The following TSPEAR variants were observed in gnomAD, a reference collection of about 807,000 sequenced individuals.
The protein encoded by TSPEAR is thrombospondin type laminin G domain and EAR repeats.
Under a neutral mutation model 71.6 loss-of-function variants are expected in TSPEAR, and 69 were observed. The observed-to-expected ratio is 0.96, with a 90% CI of 0.79 to 1.18. The LOEUF (loss-of-function observed/expected upper bound fraction) is 1.18. Among genes scored for constraint, TSPEAR ranks in the 50% most tolerant of loss-of-function variants. The pLI is 0.00. For synonymous variants in TSPEAR, 402 were observed against 387.2 expected (o/e 1.04, Z -0.45); for missense variants, 971 against 894.9 (o/e 1.09, Z -1.09).
At chr21:44,590,485 A>G (rs1979712676) in intron 1 of TSPEAR, among the ~76,000 whole-genome samples, 1 of 152,144 alleles carries the variant, frequency 6.6e-6, no homozygotes, top group Non-Finnish European at 1.5e-5. Flanking sequence ...AGTGGGTGCC[A>G]TGGTCCCTGC....
intron 10 of TSPEAR, among the ~76,000 whole-genome samples, chr21:44,505,504 C>A (rs2052171889): frequency 1.3e-5 from 2 of 150,278 alleles, no homozygotes; most frequent in Non-Finnish European, 3.0e-5. Context: ...CCATCCACCT[C>A]CAGAACGCCT....
Position 44,612,517 on chromosome 21 carries a change from T to G in TSPEAR, c.83-44512A>C. ...CCGTGTGCTGCGTGTCCATCTGCTC[T>G]GGAGCTTCCTCCCCATGCTGCCAGC... On this transcript the variant is annotated intron_variant, in intron 1 of 11. Transcript: ENST00000323084. The surrounding 1 kb of genome is among the most constrained non-coding windows in gnomAD (Gnocchi z 4.1). 6.2e-7 allele frequency: 1 copy of G among 1,609,648 alleles called. No individual in the cohort carries two copies. Among genetic ancestry groups the G allele is most frequent in the Non-Finnish European group, 8.5e-7 (1 of 1,177,040 alleles).
At chr21:44,595,365 CAGGGT>C (rs1980294393) in intron 1 of TSPEAR, among the ~76,000 whole-genome samples, 1 of 152,228 alleles carries the variant, frequency 6.6e-6, no homozygotes, top group African/African-American at 2.4e-5. Flanking sequence ...ACAGGAAGCA[CAGGGT>C]TATGGTCTCA....
intron 1 of TSPEAR, among the ~76,000 whole-genome samples, chr21:44,583,179 G>C (rs1336597515): frequency 6.5e-5 from 1 of 15,390 alleles, no homozygotes; most frequent in African/African-American, 1.4e-4. Flanking sequence ...AGACACTCTG[G>C]GGATCTGAGT....
At chr21:44,628,698 G>A (rs1330385348) in intron 1 of TSPEAR, among the ~76,000 whole-genome samples, 1 of 152,108 alleles carries the variant, frequency 6.6e-6, no homozygotes, top group Non-Finnish European at 1.5e-5. Context: ...GTCCCGGGGG[G>A]TGGCAGGCCC....
intron 1 of TSPEAR, among the ~76,000 whole-genome samples, chr21:44,684,811 C>A (rs1986781627): frequency 1.3e-5 from 2 of 152,318 alleles, no homozygotes; most frequent in East Asian, 3.9e-4. Flanking sequence ...AAAGATGCAT[C>A]CTCATTCTTC....
At chr21:44,666,789 G>T in intron 1 of TSPEAR, 1 of 1,612,148 alleles carries the variant, frequency 6.2e-7, no homozygotes, top group Non-Finnish European at 8.5e-7. Flanking sequence ...CACACAGCAG[G>T]ATGCCTGGCA....
At chr21:44,602,403 G>A (rs1349252955) in intron 1 of TSPEAR, among the ~76,000 whole-genome samples, 2 of 152,210 alleles carry the variant, frequency 1.3e-5, no homozygotes, top group African/African-American at 4.8e-5. Flanking sequence ...GCTGCTTTGG[G>A]GCCTCCCCAG....
At chr21:44,563,781 T>G (rs1266071311) in intron 2 of TSPEAR, among the ~76,000 whole-genome samples, 2 of 152,244 alleles carry the variant, frequency 1.3e-5, no homozygotes, top group African/African-American at 4.8e-5. Context: ...TGTAATCCTC[T>G]GGTCGCAGTT....
intron 9 of TSPEAR, among the ~76,000 whole-genome samples, chr21:44,515,096 C>T (rs1000184028): frequency 5.9e-5 from 9 of 152,190 alleles, no homozygotes; most frequent in African/African-American, 1.9e-4. Context: ...CAAAGCATCT[C>T]GGCTTCACCC....
intron 2 of TSPEAR, among the ~76,000 whole-genome samples, chr21:44,541,478 A>G (rs1328578598): frequency 3.9e-5 from 6 of 152,220 alleles, no homozygotes; most frequent in African/African-American, 1.2e-4. Context: ...AGGTATCAAG[A>G]CAGCTGAGAC....
chr21:44,627,331 T>G, intron 1 of TSPEAR: 1 of 1,613,154 alleles, frequency 6.2e-7, no homozygotes, highest in Non-Finnish European at 8.5e-7. Context: ...GAGCCGTGTA[T>G]CCAGCCCCTG....
intron 9 of TSPEAR, chr21:44,510,983 C>T (rs1276815180): frequency 1.3e-5 from 2 of 152,248 alleles, no homozygotes; most frequent in Non-Finnish European, 2.9e-5. Flanking sequence ...AACAGCCGTC[C>T]AGGGCCACCC....
At chr21:44,525,518 G>C in intron 8 of TSPEAR, 135 bp downstream of exon 8, 2 of 957,560 alleles carry the variant, frequency 2.1e-6, no homozygotes, top group Non-Finnish European at 3.1e-6. Context: ...AGTGAGGAAC[G>C]GTCCAGAACG....
rs111327969 is a variant in TSPEAR, at chr21:44,558,656, G to A, written c.303+9129C>T. The A allele has an allele frequency of 1.3e-3, 2,104 of 1,613,256 alleles. 16 individuals carry two copies. In the African/African-American group the frequency reaches 0.019, roughly 15 times the overall value. On this transcript the variant is annotated intron_variant, in intron 2 of 11. Coordinates refer to ENST00000323084, the MANE Select transcript of TSPEAR (RefSeq NM_144991.3). ...GCTCACAGCAGCTCTCTGGGCAGGC[G>A]TCCACCTGCCAGGAGTCAGAGTAAG...
chr21:44,624,228 C>T (rs1982628741), intron 1 of TSPEAR, among the ~76,000 whole-genome samples: 1 of 152,164 alleles, frequency 6.6e-6, no homozygotes, highest in South Asian at 2.1e-4. Context: ...CTATTATGTT[C>T]ATTTCCAGAA....
chr21:44,585,819 C>T (rs1008461633), intron 1 of TSPEAR, among the ~76,000 whole-genome samples: 38 of 152,338 alleles, frequency 2.5e-4, no homozygotes, highest in African/African-American at 8.4e-4. Flanking sequence ...CTTTGCTTCT[C>T]TGTCATGCTG....
At chr21:44,554,304 C>G (rs1286329125) in intron 2 of TSPEAR, among the ~76,000 whole-genome samples, 1 of 152,226 alleles carries the variant, frequency 6.6e-6, no homozygotes, top group Non-Finnish European at 1.5e-5. Context: ...ATGTGGCACC[C>G]TGACTGATCC....
At chr21:44,599,110 C>T (rs1481132165) in intron 1 of TSPEAR, among the ~76,000 whole-genome samples, 9 of 146,068 alleles carry the variant, frequency 6.2e-5, no homozygotes, top group African/African-American at 2.0e-4. Flanking sequence ...TACTTTGTCC[C>T]ATATGGAAGC....
Sources: allele counts gnomAD v4.1 joint callset (sites outside exome capture counted in the v4.1 genomes callset), GRCh38; gene constraint gnomAD v4.1.1; non-coding constraint Gnocchi (gnomAD v3.1); transcripts MANE v1.5; gene names NCBI Gene and HGNC (gene_info 2026-07-23, HGNC 2026-07-21).